HLA-F: variants seen among roughly 807,000 people sequenced by gnomAD.
HLA-F encodes major histocompatibility complex, class I, F.
A neutral mutation model predicts 49.5 loss-of-function variants in HLA-F; 46 were observed. The ratio of observed to expected loss-of-function variants is 0.93; its 90% CI spans 0.73 to 1.19. The LOEUF is 1.19. Ranked by LOEUF, HLA-F falls within the 50% of genes most tolerant of loss-of-function variation. The pLI is 0.00. For missense variants in HLA-F, 496 were observed against 579.6 expected (o/e 0.86, Z 1.48); for synonymous variants, 203 against 233.5 (o/e 0.87, Z 1.19).
chr6:29,723,981 A>G (rs948436969), intron 2 of HLA-F, 54 bp downstream of exon 2: 3 of 1,562,022 alleles, frequency 1.9e-6, no homozygotes, highest in Admixed American at 1.9e-5. Flanking sequence ...TCCGCCACGG[A>G]CCGCCCGGGT....
chr6:29,723,968 C>G lies in HLA-F; in HGVS notation c.334+41C>G, dbSNP rs775877655. 26 of 1,570,350 alleles carry G rather than the reference C, an allele frequency of 1.7e-5. 1 individual carries two copies. The East Asian group carries it at 1.7e-4, about 10-fold the overall frequency. On this transcript the variant is annotated intron_variant, in intron 2 of 6. Transcript: ENST00000259951. ...CGGGGGCGCAGGTCACGACCACCCC[C>G]CATCCGCCACGGACCGCCCGGGTCC...
At chr6:29,730,177 G>T (rs928979423), downstream of HLA-F, among the ~76,000 whole-genome samples, 1 of 152,162 alleles carries the variant, frequency 6.6e-6, no homozygotes, top group Non-Finnish European at 1.5e-5. Flanking sequence ...TCCATCGGAG[G>T]ATGATTAGAT....
chr6:29,735,208 TATA>T (rs1562308921), intron 3 of HLA-F: 1 of 141,378 alleles, frequency 7.1e-6, no homozygotes, highest in Non-Finnish European at 1.5e-5. Context: ...CACACACACA[TATA>T]AACACCAAAA....
rs1249130931 is a variant in HLA-F at position 29,723,457 on chromosome 6, T to C, written c.-7T>C. On this transcript the variant is annotated 5_prime_UTR_variant, in exon 1 of 7. Transcript: ENST00000259951. ...TCATATTTTTCCCAGACGCGGAGGTTGGGGTCATGGCGCCCCGAAGCCTCC... is the reference window on the plus strand; with the variant it reads ...TCATATTTTTCCCAGACGCGGAGGTCGGGGTCATGGCGCCCCGAAGCCTCC... 3 of 1,613,342 alleles carry C rather than the reference T, an allele frequency of 1.9e-6. No homozygotes were observed. Among genetic ancestry groups the C allele is most frequent in the Non-Finnish European group, 1.7e-6 (2 of 1,179,946 alleles).
intron 3 of HLA-F, among the ~76,000 whole-genome samples, chr6:29,737,230 A>C (rs1195635410): frequency 6.6e-6 from 1 of 150,776 alleles, no homozygotes; most frequent in African/African-American, 2.4e-5. Flanking sequence ...AAAAAAAAAA[A>C]AAAAAAAAAA....
chr6:29,724,812 C>T (rs1775825007), intron 3 of HLA-F, among the ~76,000 whole-genome samples: 1 of 152,168 alleles, frequency 6.6e-6, no homozygotes, highest in Non-Finnish European at 1.5e-5. Flanking sequence ...CCTCGGCCTC[C>T]ACTTAGGTCA....
At chr6:29,726,514 C>A (rs967530031) in intron 6 of HLA-F, 5 of 1,538,156 alleles carry the variant, frequency 3.3e-6, no homozygotes, top group African/African-American at 1.4e-5. Context: ...AAAAATATAT[C>A]TTTTTATAGA....
downstream of HLA-F, chr6:29,728,770 C>G (rs1422270016): frequency 6.6e-6 from 1 of 152,182 alleles, no homozygotes; most frequent in Non-Finnish European, 1.5e-5. Flanking sequence ...GCAGTAAGGT[C>G]TTGTGGGACC....
At position 29,724,244 on chromosome 6, in the gene HLA-F, C is replaced by T. The variant is rs1775738916; in HGVS notation, c.406C>T (p.Gln136Ter). Reference sequence around the variant, plus strand: ...CGGACGCCTCCTCCGCGGGTATCACCAGCACGCGTACGACGGCAAGGATTA... The same window carrying T: ...CGGACGCCTCCTCCGCGGGTATCACTAGCACGCGTACGACGGCAAGGATTA... Reference protein sequence around the residue: ...PDGRLLRGYHQHAYDGKDYIS... With the variant: ...PDGRLLRGYH Residue 136 changes from glutamine (Q) to a stop codon, truncating the protein, a stop_gained, in exon 3 of 7, where the codon CAG (glutamine) becomes TAG (stop). Coordinates refer to ENST00000259951, the MANE Select transcript of HLA-F (RefSeq NM_001098479.2). LOFTEE classifies it high-confidence loss of function. The T allele has an allele frequency of 1.9e-6, 3 of 1,613,156 alleles. 1 individual carries two copies. Among genetic ancestry groups the T allele is most frequent in the African/African-American group, 1.3e-5 (1 of 74,954 alleles).
intron 3 of HLA-F, 124 bp downstream of exon 3, chr6:29,724,572 G>T: frequency 1.0e-6 from 1 of 995,938 alleles, no homozygotes; most frequent in Non-Finnish European, 1.5e-6. Context: ...TGAGTAGGAA[G>T]AATCTTCCTG....
At chr6:29,732,921 C>G (rs1209416062) in intron 3 of HLA-F, among the ~76,000 whole-genome samples, 2 of 152,152 alleles carry the variant, frequency 1.3e-5, no homozygotes, top group Non-Finnish European at 2.9e-5. Flanking sequence ...GGCGCCTTGG[C>G]TCATTCCTGT....
downstream of HLA-F, among the ~76,000 whole-genome samples, chr6:29,731,336 T>A (rs1297029295): frequency 6.6e-6 from 1 of 152,046 alleles, no homozygotes; most frequent in East Asian, 1.9e-4. Flanking sequence ...GCTGATAAGA[T>A]CCATGAGAGG....
intron 3 of HLA-F, chr6:29,736,302 C>A (rs981925151): frequency 5.1e-6 from 2 of 395,172 alleles, no homozygotes; most frequent in Non-Finnish European, 9.9e-6. Context: ...CAAAGCTGTT[C>A]TTGCGTTAGC....
chr6:29,738,227 T>C (rs1462234003), intron 4 of HLA-F: 1 of 152,206 alleles, frequency 6.6e-6, no homozygotes, highest in Non-Finnish European at 1.5e-5. Context: ...CAGAGACCAC[T>C]AGGAGGCACC....
chr6:29,723,883 T>G lies in HLA-F; in HGVS notation c.290T>G (p.Val97Gly), dbSNP rs763028723. Residue 97 changes from valine (V) to glycine (G), a missense_variant, in exon 2 of 7, where the codon GTG becomes GGG. Transcript: ENST00000259951. ...AAGGCCAACGCACAGACTGACCGAG[T>G]GGCCCTGAGGAACCTGCTCCGCCGC... ...YAKANAQTDR[V>G]ALRNLLRRYN... 1 of 1,591,396 alleles carries G rather than the reference T, an allele frequency of 6.3e-7. No homozygotes were observed. Among genetic ancestry groups the G allele is most frequent in the African/African-American group, 1.4e-5 (1 of 73,242 alleles).
rs765473593 is a variant in HLA-F at position 29,725,149 on chromosome 6, G to A, written c.729G>A (p.Glu243=). 6.2e-7 allele frequency: 1 copy of A among 1,614,128 alleles called. No homozygotes were observed. Among genetic ancestry groups the A allele is most frequent in the Non-Finnish European group, 8.5e-7 (1 of 1,180,048 alleles). Residue 243 remains glutamate (E), a synonymous_variant, in exon 4 of 7, where the codon GAG becomes GAA. Coordinates refer to ENST00000259951, the MANE Select transcript of HLA-F (RefSeq NM_001098479.2). The part of the protein sequence containing the change: ...EITLTWQRDG[E]EQTQDTELVE... ...CGCTGACCTGGCAGCGGGATGGGGAGGAACAGACCCAGGACACAGAGCTTG... is the reference window on the plus strand; with the variant it reads ...CGCTGACCTGGCAGCGGGATGGGGAAGAACAGACCCAGGACACAGAGCTTG...
rs1281571022 is a variant in HLA-F at position 29,723,820 on chromosome 6, AG to A, written c.231del (p.Pro78ArgfsTer22). 2 of 1,603,604 alleles carry A rather than the reference AG, an allele frequency of 1.2e-6. No homozygotes were observed. The highest frequency in any genetic ancestry group is 2.2e-5 in the South Asian group (2 of 89,790). On this transcript the variant is annotated frameshift_variant, in exon 2 of 7. Coordinates refer to ENST00000259951, the MANE Select transcript of HLA-F (RefSeq NM_001098479.2). LOFTEE classifies it high-confidence loss of function. ...MEPREPWVEQ[E>X]GPQYWEWTTG... The stretch of plus-strand genomic sequence containing the variant: ...CCGCGGGAGCCGTGGGTGGAGCAAG[AG>A]GGGCCGCAGTATTGGGAGTGGACCA...
At chr6:29,729,622 C>T (rs1008517126), downstream of HLA-F, among the ~76,000 whole-genome samples, 1 of 151,806 alleles carries the variant, frequency 6.6e-6, no homozygotes. Flanking sequence ...AAAAGCACAA[C>T]CAATAAAAGA....
downstream of HLA-F, among the ~76,000 whole-genome samples, chr6:29,731,278 T>G (rs2523403): frequency 0.5 from 75,868 of 151,006 alleles, 19,291 homozygotes; most frequent in East Asian, 0.62. Flanking sequence ...GATAGATAGA[T>G]AGACAAGAGG....
Sources: allele counts gnomAD v4.1 joint callset (sites outside exome capture counted in the v4.1 genomes callset), GRCh38; gene constraint gnomAD v4.1.1; transcripts MANE v1.5; gene names NCBI Gene and HGNC (gene_info 2026-07-23, HGNC 2026-07-21).